DNAJC10: variants seen among roughly 807,000 people sequenced by gnomAD.
DNAJC10 encodes DnaJ heat shock protein family (Hsp40) member C10, also known as endoplasmic reticulum disulfide reductase DNAJC10.
A neutral mutation model predicts 115.0 loss-of-function variants in DNAJC10; 101 were observed. The ratio of observed to expected loss-of-function variants is 0.88; its 90% CI spans 0.75 to 1.04. The LOEUF (loss-of-function observed/expected upper bound fraction) is 1.04, where lower values mean the gene tolerates loss of function less well. Among genes scored for constraint, DNAJC10 ranks in the 50% least tolerant of loss-of-function variants. DNAJC10 has a pLI of 0.00. For missense variants in DNAJC10, 981 were observed against 928.8 expected (o/e 1.06, Z -0.73); for synonymous variants, 307 against 301.5 (o/e 1.02, Z -0.19).
At position 182,720,170 on chromosome 2, in the gene DNAJC10, G is replaced by A. The variant is rs1442185879; in HGVS notation, c.367+1G>A. The A allele has an allele frequency of 1.2e-6, 2 of 1,604,238 alleles. No homozygotes were observed. Among genetic ancestry groups the A allele is most frequent in the Non-Finnish European group, 1.7e-6 (2 of 1,176,110 alleles). ...TGGAACTATTATCGTTATGATTTTGGTAAGGTGATACGATATTACTTATGA... is the reference window on the plus strand; with the variant it reads ...TGGAACTATTATCGTTATGATTTTGATAAGGTGATACGATATTACTTATGA... On this transcript the variant is annotated splice_donor_variant, in intron 4 of 23. Transcript: ENST00000264065. LOFTEE classifies it high-confidence loss of function.
intron 10 of DNAJC10, 131 bp from the exon 11 acceptor site, chr2:182,736,118 G>T: frequency 1.6e-6 from 1 of 634,950 alleles, no homozygotes. Context: ...TTTTAACTTT[G>T]CTGTAGAACT....
At chr2:182,744,611 A>G in intron 14 of DNAJC10, among the ~76,000 whole-genome samples, 1 of 152,174 alleles carries the variant, frequency 6.6e-6, no homozygotes, top group East Asian at 1.9e-4. Context: ...TAACCCTCAC[A>G]GTAACTACTG....
rs1265560754 is a variant in DNAJC10, at chr2:182,748,156, A to G, written c.1307-3502A>G. Reference sequence around the variant, plus strand: ...CCAGTATTTTATTGAGGATTTTTGCATCAATGTTCATCAAGGATATTGGTC... The same window carrying G: ...CCAGTATTTTATTGAGGATTTTTGCGTCAATGTTCATCAAGGATATTGGTC... On this transcript the variant is annotated intron_variant, in intron 14 of 23. Transcript: ENST00000264065. Among the ~76,000 whole-genome samples, 10 of 149,706 alleles carry G rather than the reference A, an allele frequency of 6.7e-5. No homozygotes were observed. The South Asian group carries it at 2.1e-3, about 32-fold the overall frequency.
intron 22 of DNAJC10, among the ~76,000 whole-genome samples, chr2:182,773,303 ATG>A (rs1433928625): frequency 1.3e-5 from 2 of 151,916 alleles, no homozygotes; most frequent in Admixed American, 1.3e-4. Context: ...TCTGACAATT[ATG>A]TGTCTTGGGG....
intron 22 of DNAJC10, among the ~76,000 whole-genome samples, chr2:182,772,771 G>C (rs919012356): frequency 2.0e-5 from 3 of 152,288 alleles, no homozygotes; most frequent in African/African-American, 7.2e-5. Context: ...ACAGCACACT[G>C]ATGGGTCTTG....
At position 182,759,252 on chromosome 2, in the gene DNAJC10, C is replaced by T. The variant is rs1306438030; in HGVS notation, c.2090C>T (p.Ala697Val). ...GKNHWVIDFY[A>V]PWCGPCQNFA... ...AATCATTGGGTGATTGATTTCTATG[C>T]TCCTTGGTGTGGACCTTGCCAGAAT... Residue 697 changes from alanine (A) to valine (V), a missense_variant, in exon 21 of 24, where the codon GCT becomes GTT. Coordinates refer to ENST00000264065, the MANE Select transcript of DNAJC10 (RefSeq NM_018981.4). 6.2e-7 allele frequency: 1 copy of T among 1,612,072 alleles called. No individual in the cohort carries two copies. Among genetic ancestry groups the T allele is most frequent in the Admixed American group, 1.7e-5 (1 of 59,474 alleles).
Position 182,774,096 on chromosome 2 carries a change from G to T in DNAJC10, c.2266-1220G>T, listed in dbSNP as rs573627179. ...CCTTCTGACAGGTCCCTCAGCTGCA[G>T]GTCTGTTGGAGTTTGCTGGAGGTCC... is the stretch of plus-strand genomic sequence containing the variant. On this transcript the variant is annotated intron_variant, in intron 22 of 23. Transcript: ENST00000264065. Among the ~76,000 whole-genome samples the T allele has an allele frequency of 1.2e-3, 182 of 152,308 alleles. 1 individual carries two copies. The highest frequency in any genetic ancestry group is 4.1e-3 in the African/African-American group (172 of 41,564).
chr2:182,768,241 G>C (rs73975514), intron 22 of DNAJC10, among the ~76,000 whole-genome samples: 46,473 of 151,936 alleles, frequency 0.31, 8,073 homozygotes, highest in East Asian at 0.49. Flanking sequence ...CAGAGCCTGA[G>C]TCTTCATTTC....
rs151274708 is a variant in DNAJC10, at chr2:182,717,884, T to C, written c.-146-57T>C. The C allele has an allele frequency of 4.1e-3, 1,702 of 413,294 alleles. 21 individuals carry two copies. The highest frequency in any genetic ancestry group is 0.032 in the African/African-American group (1,588 of 49,182). 25.6% of individuals were successfully genotyped at this position (413,294 alleles called of 1,614,324 possible). A position where few individuals can be genotyped will look rare whatever the true frequency, so the allele number is the denominator to read the frequency against. On this transcript the variant is annotated intron_variant, in intron 2 of 23. Coordinates refer to ENST00000264065, the MANE Select transcript of DNAJC10 (RefSeq NM_018981.4). ...CTGACCATGTTCTGTGATAAATAAA[T>C]TGTGCTATTATTGTTTAGTTCAAAA...
rs1462979490 is a variant in DNAJC10 at position 182,792,271 on chromosome 2, T to G, written c.*15139T>G. On this transcript the variant is annotated 3_prime_UTR_variant, in exon 24 of 24. Transcript: ENST00000264065. The stretch of plus-strand genomic sequence containing the variant: ...TTAGAATTAAATGCACTATCTGAAG[T>G]CTATGTTTATTAAATGAGGATTACA... 4 of 152,168 alleles carry G rather than the reference T, an allele frequency of 2.6e-5. No individual in the cohort carries two copies. Among genetic ancestry groups the G allele is most frequent in the Non-Finnish European group, 5.9e-5 (4 of 68,026 alleles). 9.4% of individuals were successfully genotyped at this position (152,168 alleles called of 1,614,324 possible). A position where few individuals can be genotyped will look rare whatever the true frequency, so the allele number is the denominator to read the frequency against.
chr2:182,774,261 G>C (rs964804112), intron 22 of DNAJC10, among the ~76,000 whole-genome samples: 1 of 152,156 alleles, frequency 6.6e-6, no homozygotes, highest in African/African-American at 2.4e-5. Context: ...GGTGTCTGTC[G>C]GCCCCTACTG....
At chr2:182,723,897 A>G (rs938940176) in intron 5 of DNAJC10, among the ~76,000 whole-genome samples, 8 of 152,332 alleles carry the variant, frequency 5.3e-5, no homozygotes, top group Admixed American at 2.0e-4. Context: ...TAATTCATAA[A>G]TAATTAACCT....
chr2:182,739,934 G>A (rs1210329595), intron 11 of DNAJC10: 11 of 988,626 alleles, frequency 1.1e-5, no homozygotes, highest in Non-Finnish European at 1.3e-5. Context: ...TGTAAAACAT[G>A]ATTAGCATTA....
chr2:182,723,840 C>T (rs1418804612), intron 5 of DNAJC10, among the ~76,000 whole-genome samples: 1 of 152,112 alleles, frequency 6.6e-6, no homozygotes, highest in African/African-American at 2.4e-5. Context: ...TCATATAGAA[C>T]CCCAAATGGT....
At chr2:182,731,202 C>G in intron 9 of DNAJC10, 95 bp downstream of exon 9, 1 of 785,488 alleles carries the variant, frequency 1.3e-6, no homozygotes, top group Non-Finnish European at 2.0e-6. Context: ...TTATTAAGTA[C>G]TAGAAACTAC....
Position 182,779,225 on chromosome 2 carries a change from A to G in DNAJC10, c.*2093A>G, listed in dbSNP as rs1250755228. 6.6e-6 allele frequency: 1 copy of G among 152,374 alleles called. No individual in the cohort carries two copies. Among genetic ancestry groups the G allele is most frequent in the South Asian group, 2.1e-4 (1 of 4,830 alleles). 9.4% of individuals were successfully genotyped at this position (152,374 alleles called of 1,614,324 possible). On this transcript the variant is annotated 3_prime_UTR_variant, in exon 24 of 24. Transcript: ENST00000264065. The stretch of plus-strand genomic sequence containing the variant: ...TACATCAAGGTTATCTTATATAGTC[A>G]TAACAGTATTATTGGGTCTTTCAAA...
chr2:182,726,856 C>T (rs371513020), intron 5 of DNAJC10, among the ~76,000 whole-genome samples: 3 of 152,068 alleles, frequency 2.0e-5, no homozygotes, highest in African/African-American at 7.2e-5. Flanking sequence ...CTCAGTCTCC[C>T]GACTAGCTGA....
At chr2:182,764,402 C>A (rs1253360200) in intron 22 of DNAJC10, among the ~76,000 whole-genome samples, 1 of 152,076 alleles carries the variant, frequency 6.6e-6, no homozygotes, top group Non-Finnish European at 1.5e-5. Context: ...AAAAAGGCAA[C>A]TGAAGTGGCC....
chr2:182,751,130 C>T (rs1248597011), intron 14 of DNAJC10, among the ~76,000 whole-genome samples: 20 of 85,168 alleles, frequency 2.3e-4, no homozygotes, highest in South Asian at 5.4e-4. Context: ...GAGATTTTGA[C>T]TTTTTTTTTT....
Sources: gnomAD v4.1 joint callset for allele counts (sites outside exome capture counted in the v4.1 genomes callset) on GRCh38, gnomAD v4.1.1 for gene constraint, MANE v1.5 for transcripts, NCBI Gene and HGNC (gene_info 2026-07-23, HGNC 2026-07-21) for gene names.